The following SARS2 variants were observed in gnomAD, a reference collection of about 807,000 sequenced individuals.
SARS2 encodes serine--tRNA ligase, mitochondrial.
In SARS2, 52 loss-of-function variants were observed where a neutral mutation model predicts 66.8. The ratio of observed to expected loss-of-function variants is 0.78; its 90% CI spans 0.62 to 0.98. The LOEUF (loss-of-function observed/expected upper bound fraction) is 0.98, where lower values mean the gene tolerates loss of function less well. SARS2 is among the 50% of genes least tolerant of loss of function. The pLI is 0.00. For synonymous variants in SARS2, 306 were observed against 281.4 expected, an observed-to-expected ratio of 1.09 and a Z score of -0.87; for missense variants, 673 against 706.3, an observed-to-expected ratio of 0.95 and a Z score of 0.53.
chr19:38,917,952 C>A lies in SARS2; in HGVS notation c.1019G>T (p.Arg340Leu). The A allele has an allele frequency of 6.2e-7, 1 of 1,609,014 alleles. No homozygotes were observed. Residue 340 changes from arginine (R) to leucine (L), a missense_variant, in exon 11 of 16, where the codon CGG becomes CTG. By Grantham distance (102) the Arg-to-Leu change is moderately radical. Coordinates refer to ENST00000221431, the MANE Select transcript of SARS2 (RefSeq NM_017827.4). ...RAETNTGQEPRGLYRVHHFTK... is the reference protein window; with the variant it reads ...RAETNTGQEPLGLYRVHHFTK... Reference sequence around the variant, plus strand: ...GAAGTGGTGTACTCGATACAGCCCCCGGGGTTCCTGTCCCGTGTTTGTCTC... The same window carrying A: ...GAAGTGGTGTACTCGATACAGCCCCAGGGGTTCCTGTCCCGTGTTTGTCTC...
chr19:38,930,279 G>C, intron 1 of SARS2, 191 bp downstream of exon 1: 9 of 691,862 alleles, frequency 1.3e-5, no homozygotes, highest in Non-Finnish European at 2.1e-5. Context: ...GGCATTCTTG[G>C]CACATAGTAG....
At chr19:38,922,058 AGCACCTGGATCCAGCC>A in intron 3 of SARS2, 164 bp downstream of exon 3, 1 of 1,564,300 alleles carries the variant, frequency 6.4e-7, no homozygotes, top group Non-Finnish European at 8.7e-7. Context: ...ATATGGAGCC[AGCACCTGGATCCAGCC>A]GCACCTGAAG....
rs1974486048 is a variant in SARS2, at chr19:38,919,846, G to C, written c.675C>G (p.Gly225=). ...IRQKRLSHVS[G]HRSYYLRGAG... is the part of the protein sequence containing the mutation. ...CCCCGCGCAGGTAATAGGACCGGTG[G>C]CCAGACACGTGGGACAGGCGCCTGG... Residue 225 remains glycine, a synonymous_variant, in exon 7 of 16, where the codon GGC becomes GGG. Coordinates refer to ENST00000221431, the MANE Select transcript of SARS2 (RefSeq NM_017827.4). 1 of 1,613,974 alleles carries C rather than the reference G, an allele frequency of 6.2e-7. No individual in the cohort carries two copies. Among genetic ancestry groups the C allele is most frequent in the Non-Finnish European group, 8.5e-7 (1 of 1,179,972 alleles).
At position 38,930,467 on chromosome 19, in the gene SARS2, C is replaced by CA. The variant is rs1193002982; in HGVS notation, c.267+2dup. On this transcript the variant is annotated splice_region_variant and intron_variant, in intron 1 of 15. Coordinates refer to ENST00000221431, the MANE Select transcript of SARS2 (RefSeq NM_017827.4). ...GCCCCCCGGCCGGCGCAGGCGCACT[C>CA]ACGATCGCGGGCAGGTCCGCCGAGC... The CA allele has an allele frequency of 6.3e-7, 1 of 1,593,754 alleles. No individual in the cohort carries two copies. The highest frequency in any genetic ancestry group is 8.6e-7 in the Non-Finnish European group (1 of 1,168,718).
rs572498605 is a variant in SARS2, at chr19:38,923,630, T to C, written c.364-1363A>G. 2.0e-5 allele frequency among the ~76,000 whole-genome samples: 3 copies of C among 150,678 alleles called. No individual in the cohort carries two copies. The South Asian group carries it at 6.3e-4, about 31-fold the overall frequency. ...TGGGCAGATCACCTGAGGCCAGCAG[T>C]TGGAGAGCAGCCTGGCCAACATGGA... On this transcript the variant is annotated intron_variant, in intron 2 of 15. Transcript: ENST00000221431.
intron 7 of SARS2, 101 bp from the exon 8 acceptor site, chr19:38,918,914 G>T (rs1382672268): frequency 8.3e-6 from 10 of 1,209,642 alleles, no homozygotes; most frequent in Non-Finnish European, 9.5e-6. Flanking sequence ...CTCCTCAGAC[G>T]AAACTGAGGC....
chr19:38,929,987 G>A (rs1684531000), intron 1 of SARS2: 1 of 157,762 alleles, frequency 6.3e-6, no homozygotes. Context: ...TTCATTAATG[G>A]ATTCATTCAT....
chr19:38,922,441 G>A (rs1308845422), intron 2 of SARS2, among the ~76,000 whole-genome samples, 174 bp from the exon 3 acceptor site: 2 of 152,178 alleles, frequency 1.3e-5, no homozygotes, highest in Non-Finnish European at 2.9e-5. Flanking sequence ...AACGCTACAA[G>A]GAGGCAAGAT....
chr19:38,930,419 T>C, intron 1 of SARS2, 51 bp downstream of exon 1: 4 of 1,547,472 alleles, frequency 2.6e-6, no homozygotes, highest in Non-Finnish European at 3.5e-6. Flanking sequence ...CAAACCCAAT[T>C]CTTCCGTAAA....
At chr19:38,930,335 C>A in intron 1 of SARS2, 135 bp downstream of exon 1, 1 of 1,179,892 alleles carries the variant, frequency 8.5e-7, no homozygotes, top group Non-Finnish European at 1.2e-6. Context: ...GGGTGCCATG[C>A]ACAAGACGTT....
intron 6 of SARS2, 69 bp from the exon 7 acceptor site, chr19:38,919,936 C>CG (rs1974488836): frequency 1.2e-5 from 17 of 1,469,316 alleles, no homozygotes; most frequent in Non-Finnish European, 1.5e-5. Flanking sequence ...TGAAAACACC[C>CG]GGGGGAAGAG....
At position 38,930,589 on chromosome 19, in the gene SARS2, C is replaced by G. The variant is rs746467688; in HGVS notation, c.148G>C (p.Glu50Gln). The stretch of plus-strand genomic sequence containing the variant: ...AGCTGAGGGAGTGCGCTGTAGCCCT[C>G]GCGCGCATACTCGTACAGGAGGTTC... ...NRNLLYEYAR[E>Q]GYSALPQLDI... The change falls in exon 1 of 16, where the codon GAG becomes CAG. Residue 50 changes from glutamate (E) to glutamine (Q), a missense_variant. Transcript: ENST00000221431. The G allele has an allele frequency of 1.9e-6, 3 of 1,614,038 alleles. No homozygotes were observed. Among genetic ancestry groups the G allele is most frequent in the Non-Finnish European group, 2.5e-6 (3 of 1,180,030 alleles).
intron 1 of SARS2, 63 bp from the exon 2 acceptor site, chr19:38,926,363 C>G: frequency 6.7e-7 from 1 of 1,502,276 alleles, no homozygotes; most frequent in Non-Finnish European, 9.1e-7. Flanking sequence ...CTCTCTGGAG[C>G]CCACTGGCCA....
intron 1 of SARS2, among the ~76,000 whole-genome samples, chr19:38,926,764 G>A (rs1393887829): frequency 1.3e-5 from 2 of 151,808 alleles, no homozygotes; most frequent in Non-Finnish European, 2.9e-5. Flanking sequence ...CTCCAGCCTG[G>A]GCAACAAGAG....
rs182782068 is a variant in SARS2, at chr19:38,918,030, C to T, written c.963-22G>A. On this transcript the variant is annotated intron_variant, in intron 10 of 15. Coordinates refer to ENST00000221431, the MANE Select transcript of SARS2 (RefSeq NM_017827.4). Reference sequence around the variant, plus strand: ...CATCCTGGCAGAGAGCAGGGAAAGTCGGGTCAAGGAGGGAAGACTGATTGT... The same window carrying T: ...CATCCTGGCAGAGAGCAGGGAAAGTTGGGTCAAGGAGGGAAGACTGATTGT... The T allele has an allele frequency of 2.6e-5, 41 of 1,599,720 alleles. No individual in the cohort carries two copies. The Admixed American group carries it at 3.1e-4, about 12-fold the overall frequency.
intron 1 of SARS2, chr19:38,930,093 C>T: frequency 4.2e-6 from 1 of 237,102 alleles, no homozygotes; most frequent in Non-Finnish European, 8.4e-6. Flanking sequence ...CACCACACCC[C>T]AGCCCTGACC....
At chr19:38,920,201 G>A in intron 5 of SARS2, 52 bp from the exon 6 acceptor site, 1 of 1,427,198 alleles carries the variant, frequency 7.0e-7, no homozygotes, top group African/African-American at 1.4e-5. Flanking sequence ...AGAGGGATGG[G>A]GCCCAGATAG....
intron 1 of SARS2, among the ~76,000 whole-genome samples, chr19:38,927,083 C>T (rs1013041324): frequency 3.3e-5 from 5 of 151,794 alleles, no homozygotes; most frequent in Non-Finnish European, 7.4e-5. Context: ...ACCACAGGTA[C>T]GTGCCACTGC....
At chr19:38,923,463 C>G (rs1219947129) in intron 2 of SARS2, among the ~76,000 whole-genome samples, 2 of 144,738 alleles carry the variant, frequency 1.4e-5, no homozygotes, top group African/African-American at 2.5e-5. Flanking sequence ...ACCTCGTGAT[C>G]CGCCCACCTC....
Sources: allele counts gnomAD v4.1 joint callset (sites outside exome capture counted in the v4.1 genomes callset), GRCh38; gene constraint gnomAD v4.1.1; transcripts MANE v1.5; gene names NCBI Gene and HGNC (gene_info 2026-07-23, HGNC 2026-07-21).